The following PHAF1 variants were observed in gnomAD, a reference collection of about 807,000 sequenced individuals.
The protein encoded by PHAF1 is phagophore assembly factor 1, also known as phagosome assembly factor 1.
Under a neutral mutation model 63.1 loss-of-function variants are expected in PHAF1, and 23 were observed. The ratio of observed to expected loss-of-function variants is 0.36; its 90% confidence interval spans 0.26 to 0.52. The LOEUF (loss-of-function observed/expected upper bound fraction) is 0.52, where lower values mean the gene tolerates loss of function less well. Ranked by LOEUF, PHAF1 falls within the 20% of genes least tolerant of loss-of-function variation. The pLI, the probability that PHAF1 is intolerant of heterozygous loss-of-function variation, is 0.93. For missense variants in PHAF1, 427 were observed against 517.2 expected, an observed-to-expected ratio of 0.83 and a Z score of 1.69; for synonymous variants, 167 against 185.0, an observed-to-expected ratio of 0.90 and a Z score of 0.79.
chr16:67,145,715 C>A, intron 14 of PHAF1, 87 bp downstream of exon 14: 1 of 1,417,690 alleles, frequency 7.1e-7, no homozygotes, highest in Non-Finnish European at 9.6e-7. Context: ...GTGGATGTTG[C>A]TTAAAAATTA....
chr16:67,118,236 G>A (rs62057947), intron 1 of PHAF1, among the ~76,000 whole-genome samples: 4,468 of 147,098 alleles, frequency 0.03, 106 homozygotes, highest in Non-Finnish European at 0.045. Context: ...GCCTCCCAAA[G>A]TGCTGGGATT....
chr16:67,130,555 G>T (rs144339304), intron 3 of PHAF1, among the ~76,000 whole-genome samples: 1,563 of 149,682 alleles, frequency 0.01, 28 homozygotes, highest in African/African-American at 0.036. Context: ...CACCATGTTG[G>T]TCAGGCTGGT....
chr16:67,117,809 CT>C (rs76207983), intron 1 of PHAF1, among the ~76,000 whole-genome samples: 3,695 of 137,718 alleles, frequency 0.027, 54 homozygotes, highest in Non-Finnish European at 0.038. Flanking sequence ...CGCCCTGTTG[CT>C]TTTTTTTTTT....
In PHAF1 at chr16:67,120,153, T is replaced by C. The variant is rs1184947877; in HGVS notation, c.106T>C (p.Cys36Arg). 1.2e-6 allele frequency: 2 copies of C among 1,614,142 alleles called. No individual in the cohort carries two copies. The highest frequency in any genetic ancestry group is 2.2e-5 in the East Asian group (1 of 44,864). The change falls in exon 2 of 16, where the codon TGT (cysteine) becomes CGT (arginine). Residue 36 changes from cysteine to arginine, a missense_variant. Transcript: ENST00000219139. ...GGCAGTAGCCATTCTTCAGAAGCAC[T>C]GTCGCATCATCAAAAACGTCCAGGT... ...AQAVAILQKH[C>R]RIIKNVQVLY... is the part of the protein sequence containing the mutation.
intron 1 of PHAF1, among the ~76,000 whole-genome samples, chr16:67,114,507 GAGA>G (rs1962658263): frequency 6.7e-6 from 1 of 149,866 alleles, no homozygotes; most frequent in Non-Finnish European, 1.5e-5. Context: ...TAGGGGTTCA[GAGA>G]AGGCTTCCTG....
chr16:67,146,193 T>C (rs1567656776), intron 14 of PHAF1, 85 bp from the exon 15 acceptor site: 1 of 1,233,630 alleles, frequency 8.1e-7, no homozygotes. Context: ...CTGGCCAGTA[T>C]CCCATACCCC....
intron 1 of PHAF1, among the ~76,000 whole-genome samples, chr16:67,112,926 C>A (rs191178937): frequency 1.6e-4 from 25 of 152,150 alleles, no homozygotes; most frequent in Non-Finnish European, 3.4e-4. Flanking sequence ...TCTCCTCCCC[C>A]ACCCTGAACA....
chr16:67,146,432 G>A, intron 15 of PHAF1, 82 bp downstream of exon 15: 1 of 1,419,122 alleles, frequency 7.0e-7, no homozygotes, highest in South Asian at 1.1e-5. Flanking sequence ...GAGGGAAATT[G>A]GGGAGGGCAT....
chr16:67,117,128 G>C (rs1177574903), intron 1 of PHAF1, among the ~76,000 whole-genome samples: 1 of 150,788 alleles, frequency 6.6e-6, no homozygotes, highest in Non-Finnish European at 1.5e-5. Flanking sequence ...TGCCTGCCAG[G>C]TTTAAGCAAT....
intron 6 of PHAF1, 34 bp downstream of exon 6, chr16:67,132,945 T>C: frequency 6.6e-7 from 1 of 1,521,084 alleles, no homozygotes; most frequent in South Asian, 1.1e-5. Context: ...GTTTGTTGTA[T>C]GTGTCTGTGG....
At chr16:67,111,866 C>T (rs529583596) in intron 1 of PHAF1, among the ~76,000 whole-genome samples, 3 of 152,244 alleles carry the variant, frequency 2.0e-5, no homozygotes, top group South Asian at 4.1e-4. Context: ...TCAAGTGATC[C>T]GCCTTGGCCT....
chr16:67,111,928 C>T (rs1962533228), intron 1 of PHAF1, among the ~76,000 whole-genome samples: 2 of 152,136 alleles, frequency 1.3e-5, no homozygotes, highest in Non-Finnish European at 1.5e-5. Flanking sequence ...CCATAAAAGC[C>T]GGTTTAATTT....
intron 10 of PHAF1, among the ~76,000 whole-genome samples, chr16:67,141,470 T>G (rs779569024): frequency 1.3e-5 from 2 of 152,180 alleles, no homozygotes; most frequent in Non-Finnish European, 2.9e-5. Context: ...TGCCCCAATT[T>G]TTGCTTGCTC....
intron 8 of PHAF1, 84 bp from the exon 9 acceptor site, chr16:67,139,900 C>T: frequency 6.7e-7 from 1 of 1,496,508 alleles, no homozygotes; most frequent in Non-Finnish European, 9.2e-7. Flanking sequence ...ATGTAGCATG[C>T]AGCCAGTAGC....
chr16:67,131,185 T>G (rs1445168406), intron 3 of PHAF1, 101 bp from the exon 4 acceptor site: 7 of 493,502 alleles, frequency 1.4e-5, no homozygotes, highest in South Asian at 8.4e-5. Context: ...TAATAGTTTT[T>G]TTTTTTTTTT....
rs957340303 is a variant in PHAF1 at position 67,109,992 on chromosome 16, G to C, written c.-184G>C. On this transcript the variant is annotated 5_prime_UTR_variant, in exon 1 of 16. Coordinates refer to ENST00000219139, the MANE Select transcript of PHAF1 (RefSeq NM_025187.5). ...CCCCGCTGCCGCGGCTGCTGCAGGT[G>C]AGGTGAAGTGAGGTGAGGTGTGGTG... 180 of 570,194 alleles carry C rather than the reference G, an allele frequency of 3.2e-4. 3 individuals are homozygous for C. The East Asian group carries it at 5.6e-3, about 18-fold the overall frequency. 35.3% of individuals were successfully genotyped at this position (570,194 alleles called of 1,614,324 possible). A position where few individuals can be genotyped will look rare whatever the true frequency, so the allele number is the denominator to read the frequency against.
chr16:67,116,819 C>T (rs1597183678), intron 1 of PHAF1, among the ~76,000 whole-genome samples: 1 of 152,136 alleles, frequency 6.6e-6, no homozygotes, highest in East Asian at 1.9e-4. Context: ...CACTACACTC[C>T]AGCCTGGGTG....
intron 8 of PHAF1, among the ~76,000 whole-genome samples, chr16:67,138,479 C>T (rs1453289274): frequency 6.6e-6 from 1 of 151,166 alleles, no homozygotes; most frequent in African/African-American, 2.4e-5. Flanking sequence ...ATCATGGCAC[C>T]AAGAATTACA....
chr16:67,138,161 C>G (rs1265087833), intron 8 of PHAF1, among the ~76,000 whole-genome samples: 1 of 152,018 alleles, frequency 6.6e-6, no homozygotes, highest in Non-Finnish European at 1.5e-5. Context: ...CTTACAGCCC[C>G]CATCTGACAT....
Sources: gnomAD v4.1 joint callset for allele counts (sites outside exome capture counted in the v4.1 genomes callset) on GRCh38, gnomAD v4.1.1 for gene constraint, MANE v1.5 for transcripts, NCBI Gene and HGNC (gene_info 2026-07-23, HGNC 2026-07-21) for gene names.